Variants in ADAP1 observed in about 807,000 individuals in gnomAD.
ADAP1 encodes the protein ArfGAP with dual PH domains 1.
A neutral mutation model predicts 54.9 loss-of-function variants in ADAP1; 31 were observed. The observed-to-expected ratio is 0.56, with a 90% CI of 0.42 to 0.76. ADAP1 has a LOEUF of 0.76. Ranked by LOEUF, ADAP1 falls within the 30% of genes least tolerant of loss-of-function variation. The pLI, the probability that ADAP1 is intolerant of heterozygous loss-of-function variation, is 0.00. For missense variants in ADAP1, 535 were observed against 512.4 expected (o/e 1.04, Z -0.42); for synonymous variants, 313 against 202.6 (o/e 1.55, Z -4.63).
rs778215335 is a variant in ADAP1, at chr7:920,850, C to G, written c.306-800G>C. 4 of 1,550,140 alleles carry G rather than the reference C, an allele frequency of 2.6e-6. No homozygotes were observed. The African/African-American group carries it at 4.1e-5, about 16-fold the overall frequency. ...ACAGGCCCGGCACGGCCCAGGTGCA[C>G]AGGCAGCCGCCCCAGCCTTTTCCAC... On this transcript the variant is annotated intron_variant, in intron 3 of 10. Coordinates refer to ENST00000265846, the MANE Select transcript of ADAP1 (RefSeq NM_006869.4). This position sits in a 1 kb window ranked among gnomAD's most constrained non-coding sequence, Gnocchi z 4.5.
chr7:902,794 C>T (rs78040828), intron 6 of ADAP1, among the ~76,000 whole-genome samples: 6 of 142,480 alleles, frequency 4.2e-5, no homozygotes, highest in South Asian at 2.1e-4. Flanking sequence ...TGCCAACACA[C>T]GCACAGCATT....
chr7:926,869 G>T lies in ADAP1; in HGVS notation c.214-225C>A. The T allele has an allele frequency of 1.1e-6, 1 of 880,632 alleles. No individual in the cohort carries two copies. 54.6% of individuals were successfully genotyped at this position (880,632 alleles called of 1,614,324 possible). A position where few individuals can be genotyped will look rare whatever the true frequency, so the allele number is the denominator to read the frequency against. On this transcript the variant is annotated intron_variant, in intron 2 of 10. Coordinates refer to ENST00000265846, the MANE Select transcript of ADAP1 (RefSeq NM_006869.4). The surrounding 1 kb of genome is among the most constrained non-coding windows in gnomAD (Gnocchi z 4.6). ...AAGGAGCCAGCGTCCCTAACGACGG[G>T]GTCCCGGCAAAGGGGGCCCAGGGGC...
chr7:921,446 G>A (rs774508776), intron 3 of ADAP1, among the ~76,000 whole-genome samples: 12 of 152,184 alleles, frequency 7.9e-5, no homozygotes, highest in East Asian at 1.9e-4. Flanking sequence ...TCGGCTTCCC[G>A]AGTAGCTGGG....
intron 4 of ADAP1, among the ~76,000 whole-genome samples, chr7:906,497 G>C (rs1845353575): frequency 5.6e-5 from 1 of 17,838 alleles, no homozygotes; most frequent in Non-Finnish European, 9.8e-5. Flanking sequence ...AAAGGGAAAG[G>C]AGAAAGGGAG....
Position 904,189 on chromosome 7 carries a change from C to T in ADAP1, c.585G>A (p.Leu195=). 3 of 1,612,248 alleles carry T rather than the reference C, an allele frequency of 1.9e-6. No individual in the cohort carries two copies. Among genetic ancestry groups the T allele is most frequent in the African/African-American group, 2.7e-5 (2 of 75,010 alleles). ...QPAKIGHPHG[L]QVTYLKDNST... is the part of the protein sequence containing the mutation. Reference sequence around the variant, plus strand: ...TGTTGTCCTTCAGGTAGGTGACCTGCAGGCCGTGGGGGTGGCCGATCTTGG... The same window carrying T: ...TGTTGTCCTTCAGGTAGGTGACCTGTAGGCCGTGGGGGTGGCCGATCTTGG... Residue 195 remains leucine (L), a synonymous_variant, in exon 6 of 11, where the codon CTG becomes CTA. Coordinates refer to ENST00000265846, the MANE Select transcript of ADAP1 (RefSeq NM_006869.4).
intron 4 of ADAP1, among the ~76,000 whole-genome samples, chr7:909,511 C>T (rs1378907287): frequency 6.6e-6 from 1 of 152,152 alleles, no homozygotes; most frequent in Non-Finnish European, 1.5e-5. Context: ...GCGCTGGCCA[C>T]GGTCCCGGAC....
Position 926,876 on chromosome 7 carries a change from G to A in ADAP1, c.214-232C>T. On this transcript the variant is annotated intron_variant, in intron 2 of 10. Transcript: ENST00000265846. This position sits in a 1 kb window ranked among gnomAD's most constrained non-coding sequence, Gnocchi z 4.6. ...CAGCGTCCCTAACGACGGGGTCCCG[G>A]CAAAGGGGGCCCAGGGGCCAGGCCC... The A allele has an allele frequency of 9.6e-6, 9 of 937,582 alleles. No individual in the cohort carries two copies. Among genetic ancestry groups the A allele is most frequent in the Non-Finnish European group, 1.3e-5 (9 of 668,450 alleles). 58.1% of individuals were successfully genotyped at this position (937,582 alleles called of 1,614,324 possible). A position where few individuals can be genotyped will look rare whatever the true frequency, so the allele number is the denominator to read the frequency against.
intron 6 of ADAP1, among the ~76,000 whole-genome samples, chr7:903,712 CCA>C (rs1844937922): frequency 6.6e-6 from 1 of 152,062 alleles, no homozygotes; most frequent in South Asian, 2.1e-4. Flanking sequence ...CCAAACCACC[CCA>C]GAGCCGGCTA....
chr7:900,338 C>T (rs533216336), intron 7 of ADAP1, among the ~76,000 whole-genome samples, 174 bp from the exon 8 acceptor site: 4 of 152,312 alleles, frequency 2.6e-5, no homozygotes, highest in Non-Finnish European at 4.4e-5. Context: ...CTTCCCTCCC[C>T]GCTTTCCCCT....
intron 1 of ADAP1, among the ~76,000 whole-genome samples, chr7:952,434 C>A (rs1023442411): frequency 6.6e-6 from 1 of 152,242 alleles, no homozygotes; most frequent in Non-Finnish European, 1.5e-5. Flanking sequence ...CCCCCATCAA[C>A]ACTGGAGTGG....
chr7:917,378 G>A (rs1200158702), intron 4 of ADAP1, among the ~76,000 whole-genome samples: 3 of 152,028 alleles, frequency 2.0e-5, no homozygotes, highest in South Asian at 2.1e-4. Flanking sequence ...AGGGAGGGCT[G>A]GGAGGGGTTG....
At chr7:921,390 C>T (rs2128105376) in intron 3 of ADAP1, among the ~76,000 whole-genome samples, 1 of 152,378 alleles carries the variant, frequency 6.6e-6, no homozygotes, top group Non-Finnish European at 1.5e-5. Flanking sequence ...GGTGCGATCA[C>T]AGCTCAACGC....
rs913307942 is a variant in ADAP1, at chr7:920,614, G to A, written c.306-564C>T. On this transcript the variant is annotated intron_variant, in intron 3 of 10. Transcript: ENST00000265846. This position sits in a 1 kb window ranked among gnomAD's most constrained non-coding sequence, Gnocchi z 4.5. ...CACCCGTCGAGGTCAGGAGGCGTCCGGGGCATCAGGAGAAACTACCGGCAA... is the reference window on the plus strand; with the variant it reads ...CACCCGTCGAGGTCAGGAGGCGTCCAGGGCATCAGGAGAAACTACCGGCAA... 1.4e-4 allele frequency among the ~76,000 whole-genome samples: 22 copies of A among 152,200 alleles called. No homozygotes were observed. Among genetic ancestry groups the A allele is most frequent in the African/African-American group, 4.8e-4 (20 of 41,508 alleles).
intron 1 of ADAP1, among the ~76,000 whole-genome samples, chr7:944,316 G>A (rs1424947493): frequency 1.4e-5 from 2 of 146,816 alleles, no homozygotes; most frequent in African/African-American, 5.1e-5. Flanking sequence ...GTGCAGTGGT[G>A]CAATCTTGGC....
intron 1 of ADAP1, among the ~76,000 whole-genome samples, chr7:949,613 C>T (rs1256669598): frequency 6.6e-6 from 1 of 152,208 alleles, no homozygotes; most frequent in East Asian, 1.9e-4. Context: ...CCCAAGGAGT[C>T]CACAAAGCAG....
At chr7:899,574 G>C in intron 8 of ADAP1, 84 bp from the exon 9 acceptor site, 2 of 1,485,336 alleles carry the variant, frequency 1.3e-6, no homozygotes, top group South Asian at 1.3e-5. Context: ...CCGGAGGGCA[G>C]GGCCCAGACT....
chr7:904,212 T>C lies in ADAP1; in HGVS notation c.562A>G (p.Lys188Glu). The C allele has an allele frequency of 1.2e-6, 2 of 1,611,248 alleles. No homozygotes were observed. The highest frequency in any genetic ancestry group is 1.7e-6 in the Non-Finnish European group (2 of 1,179,176). ...TGCAGGCCGTGGGGGTGGCCGATCTTGGCCGGCTGGAAGGTGGCGTTCAGG... is the reference window on the plus strand; with the variant it reads ...TGCAGGCCGTGGGGGTGGCCGATCTCGGCCGGCTGGAAGGTGGCGTTCAGG... ...EHLNATFQPA[K>E]IGHPHGLQVT... Residue 188 changes from lysine (K) to glutamate (E), a missense_variant, in exon 6 of 11, where the codon AAG becomes GAG. Lys to Glu is a moderately conservative substitution (Grantham distance 56, BLOSUM62 1). Coordinates refer to ENST00000265846, the MANE Select transcript of ADAP1 (RefSeq NM_006869.4).
chr7:904,834 C>G (rs557364235), intron 5 of ADAP1, among the ~76,000 whole-genome samples: 1 of 152,238 alleles, frequency 6.6e-6, no homozygotes, highest in African/African-American at 2.4e-5. Flanking sequence ...GGGCCCCGCC[C>G]GGCCGCCCAG....
intron 6 of ADAP1, 113 bp from the exon 7 acceptor site, chr7:900,729 C>T (rs1046612202): frequency 1.1e-6 from 1 of 914,972 alleles, no homozygotes; most frequent in East Asian, 2.7e-5. Flanking sequence ...CCAGCCCCTT[C>T]CTCCTCCCCG....
Sources: gnomAD v4.1 joint callset for allele counts (sites outside exome capture counted in the v4.1 genomes callset) on GRCh38, gnomAD v4.1.1 for gene constraint, Gnocchi (gnomAD v3.1) non-coding constraint, MANE v1.5 for transcripts, NCBI Gene and HGNC (gene_info 2026-07-23, HGNC 2026-07-21) for gene names.